The following MALT1 variants were observed in gnomAD, a reference collection of about 807,000 sequenced individuals.
MALT1 encodes mucosa-associated lymphoid tissue lymphoma translocation protein 1.
Under a neutral mutation model 85.5 loss-of-function variants are expected in MALT1, and 36 were observed. That is an observed-to-expected ratio of 0.42 (90% CI 0.32 to 0.56). The LOEUF is 0.56. MALT1 is among the 20% of genes least tolerant of loss of function. The pLI is 0.10. For synonymous variants in MALT1, 359 were observed against 361.3 expected (o/e 0.99, Z 0.07); for missense variants, 716 against 981.6 (o/e 0.73, Z 3.62).
At chr18:58,747,359 A>G (rs1440179018) in intron 16 of MALT1, 46 bp from the exon 17 acceptor site, 1 of 1,198,650 alleles carries the variant, frequency 8.3e-7, no homozygotes, top group East Asian at 2.3e-5. Context: ...ATTGATATAT[A>G]TTCACTGTTG....
Position 58,748,860 on chromosome 18 carries a change from C to T in MALT1, c.*1018C>T, listed in dbSNP as rs767729113. The T allele has an allele frequency of 1.9e-5, 4 of 205,584 alleles. No homozygotes were observed. The highest frequency in any genetic ancestry group is 3.0e-5 in the Non-Finnish European group (3 of 100,620). 12.7% of individuals were successfully genotyped at this position (205,584 alleles called of 1,614,324 possible). On this transcript the variant is annotated 3_prime_UTR_variant, in exon 17 of 17. Transcript: ENST00000649217. ...GAATTCTGCCAAACATTAAAATTAG[C>T]ACTAATTTTTTGCACACTGTTTCTA...
intron 8 of MALT1, 144 bp downstream of exon 8, chr18:58,714,253 C>G: frequency 2.2e-6 from 1 of 455,598 alleles, no homozygotes; most frequent in Non-Finnish European, 3.9e-6. Flanking sequence ...TTGAAATTAA[C>G]TACATGAAGT....
chr18:58,696,072 G>T (rs1158537211), intron 2 of MALT1, among the ~76,000 whole-genome samples: 3 of 152,092 alleles, frequency 2.0e-5, no homozygotes, highest in Non-Finnish European at 2.9e-5. Context: ...GAATATGGGG[G>T]AAAAAAGCTT....
Position 58,671,825 on chromosome 18 carries a change from CG to C in MALT1, c.186del (p.Ser63ValfsTer10). 1 of 1,230,390 alleles carries C rather than the reference CG, an allele frequency of 8.1e-7. No individual in the cohort carries two copies. The highest frequency in any genetic ancestry group is 1.0e-6 in the Non-Finnish European group (1 of 987,108). 76.2% of individuals were successfully genotyped at this position (1,230,390 alleles called of 1,614,324 possible). On this transcript the variant is annotated frameshift_variant, in exon 1 of 17. Coordinates refer to ENST00000649217, the MANE Select transcript of MALT1 (RefSeq NM_006785.4). LOFTEE classifies it high-confidence loss of function. ...GRGWRRLAEL[A>X]GSRGRLRLSC... ...GGCTGGAGGAGACTGGCGGAGCTGG[CG>C]GGGAGTCGCGGGCGCCTCCGCCTCA...
rs150523720 is a variant in MALT1, at chr18:58,737,132, G to C, written c.1603+1803G>C. Among the ~76,000 whole-genome samples, 1,248 of 152,078 alleles carry C rather than the reference G, an allele frequency of 8.2e-3. 14 individuals are homozygous for C. The highest frequency in any genetic ancestry group is 0.028 in the African/African-American group (1,156 of 41,452). On this transcript the variant is annotated intron_variant, in intron 13 of 16. Coordinates refer to ENST00000649217, the MANE Select transcript of MALT1 (RefSeq NM_006785.4). ...GAGGTAGGAGGATTGCTTGAGCCCAGGAATTCAAGACCAGTCTGGGCAACA... is the reference window on the plus strand; with the variant it reads ...GAGGTAGGAGGATTGCTTGAGCCCACGAATTCAAGACCAGTCTGGGCAACA...
At chr18:58,709,658 T>G in intron 5 of MALT1, 102 bp downstream of exon 5, 1 of 983,150 alleles carries the variant, frequency 1.0e-6, no homozygotes, top group Admixed American at 3.3e-5. Context: ...CTTTCAGATG[T>G]TTTAATGTTT....
At position 58,671,599 on chromosome 18, in the gene MALT1, G is replaced by A. The variant is rs1602262985; in HGVS notation, c.-45G>A. On this transcript the variant is annotated 5_prime_UTR_variant, in exon 1 of 17. Transcript: ENST00000649217. ...GTGCCCCGGGGCCGAGGCCCGTGAC[G>A]GGGCGGGCGGGAGCCCCGGCAGTCC... The A allele has an allele frequency of 2.7e-5, 32 of 1,181,332 alleles. No individual in the cohort carries two copies. The highest frequency in any genetic ancestry group is 1.7e-4 in the East Asian group (5 of 29,740). The allele number at this position is 1,181,332 out of a possible 1,614,324, so 73.2% of individuals were successfully genotyped here.
At chr18:58,716,113 G>A in intron 9 of MALT1, 146 bp downstream of exon 9, 1 of 637,142 alleles carries the variant, frequency 1.6e-6, no homozygotes, top group Non-Finnish European at 2.7e-6. Context: ...TGTAAAAGAA[G>A]GTTTAGAAGA....
At chr18:58,727,641 T>TTTTTTTTTTTTTTTTTTTTTTTC (rs2055082235) in intron 10 of MALT1, among the ~76,000 whole-genome samples, 1 of 150,652 alleles carries the variant, frequency 6.6e-6, no homozygotes, top group African/African-American at 2.4e-5. Context: ...TTTTTTTTTT[T>TTTTTTTTTTTTTTTTTTTTTTTC]TGAGGAAAAA....
At chr18:58,674,515 G>C (rs1407261838) in intron 1 of MALT1, among the ~76,000 whole-genome samples, 2 of 152,144 alleles carry the variant, frequency 1.3e-5, no homozygotes, top group African/African-American at 4.8e-5. Context: ...GAGAATTTGG[G>C]AACGTTAAGC....
At chr18:58,684,211 G>A (rs1245168553) in intron 2 of MALT1, among the ~76,000 whole-genome samples, 1 of 152,194 alleles carries the variant, frequency 6.6e-6, no homozygotes, top group Non-Finnish European at 1.5e-5. Context: ...TGGGATTACA[G>A]GCGGGAGCCA....
At chr18:58,709,353 A>C in intron 4 of MALT1, 25 bp from the exon 5 acceptor site, 1 of 1,483,988 alleles carries the variant, frequency 6.7e-7, no homozygotes. Context: ...TAACCTAGAG[A>C]TTTTATTTTT....
At chr18:58,700,165 T>A (rs1415403043) in intron 3 of MALT1, among the ~76,000 whole-genome samples, 1 of 152,360 alleles carries the variant, frequency 6.6e-6, no homozygotes, top group East Asian at 1.9e-4. Flanking sequence ...ATCTCTTAAA[T>A]GCCAGAGCAA....
chr18:58,697,580 A>G (rs553721283), intron 3 of MALT1, among the ~76,000 whole-genome samples: 9 of 152,302 alleles, frequency 5.9e-5, no homozygotes, highest in African/African-American at 1.9e-4. Flanking sequence ...TATTTTCTCA[A>G]TTGCAAAGTT....
chr18:58,738,543 T>C (rs947792490), intron 13 of MALT1, among the ~76,000 whole-genome samples: 3 of 152,194 alleles, frequency 2.0e-5, no homozygotes, highest in African/African-American at 7.2e-5. Flanking sequence ...TGTGACAGTA[T>C]TCCATTTTGA....
At chr18:58,710,808 A>G (rs2144391104) in intron 6 of MALT1, 113 bp from the exon 7 acceptor site, 2 of 656,790 alleles carry the variant, frequency 3.0e-6, no homozygotes, top group Non-Finnish European at 5.4e-6. Context: ...GTATTGATGC[A>G]TGTGTTGGTT....
chr18:58,702,377 C>G (rs1166063399), intron 4 of MALT1, among the ~76,000 whole-genome samples: 1 of 152,052 alleles, frequency 6.6e-6, no homozygotes, highest in East Asian at 1.9e-4. Flanking sequence ...TAGCAAGACC[C>G]TATCTCAAAA....
At chr18:58,683,569 T>G (rs1943402544) in intron 2 of MALT1, among the ~76,000 whole-genome samples, 1 of 152,246 alleles carries the variant, frequency 6.6e-6, no homozygotes, top group South Asian at 2.1e-4. Flanking sequence ...AGTCATATAT[T>G]TACTTAGGTG....
Position 58,733,456 on chromosome 18 carries a change from G to A in MALT1, c.1282G>A (p.Val428Ile), listed in dbSNP as rs140664950. The A allele has an allele frequency of 5.0e-5, 80 of 1,613,304 alleles. No individual in the cohort carries two copies. In the Middle Eastern group the frequency reaches 8.2e-4, roughly 17 times the overall value. The change falls in exon 11 of 17, where the codon GTT becomes ATT. Residue 428 changes from valine to isoleucine, a missense_variant. Physicochemically the swap from Val to Ile is conservative, Grantham distance 29 (BLOSUM62 3). Coordinates refer to ENST00000649217, the MANE Select transcript of MALT1 (RefSeq NM_006785.4). ...ENFGNSFMVP[V>I]DAPNPYRSEN... ...TTTTGGGAACAGCTTCATGGTCCCC[G>A]TTGATGCTCCAAATCCATATAGGTC...
Sources: allele counts gnomAD v4.1 joint callset (sites outside exome capture counted in the v4.1 genomes callset), GRCh38; gene constraint gnomAD v4.1.1; transcripts MANE v1.5; gene names NCBI Gene and HGNC (gene_info 2026-07-23, HGNC 2026-07-21).